Variants in RNF125 observed in about 807,000 individuals in gnomAD.
RNF125 encodes E3 ubiquitin-protein ligase RNF125.
In RNF125, 21 loss-of-function variants were observed where a neutral mutation model predicts 26.0. The ratio of observed to expected loss-of-function variants is 0.81; its 90% CI spans 0.57 to 1.16. The LOEUF is 1.16. Among genes scored for constraint, RNF125 ranks in the 50% most tolerant of loss-of-function variants. The pLI is 0.00. For synonymous variants in RNF125, 95 were observed against 109.2 expected (o/e 0.87, Z 0.81); for missense variants, 270 against 299.4 (o/e 0.90, Z 0.72).
chr18:32,069,481 T>G lies in RNF125; in HGVS notation c.*1097T>G, dbSNP rs1304124720. The G allele has an allele frequency of 2.0e-5, 3 of 152,112 alleles. No homozygotes were observed. Among genetic ancestry groups the G allele is most frequent in the Non-Finnish European group, 4.4e-5 (3 of 68,024 alleles). The allele number at this position is 152,112 out of a possible 1,614,324, so 9.4% of individuals were successfully genotyped here. On this transcript the variant is annotated 3_prime_UTR_variant, in exon 6 of 6. Coordinates refer to ENST00000217740, the MANE Select transcript of RNF125 (RefSeq NM_017831.4). ...TTTGATATCTTTTTTGATTGTAACA[T>G]TTTAAAAATTATGAAATAAAAGTAC...
chr18:32,061,134 C>T (rs12607256), intron 4 of RNF125, among the ~76,000 whole-genome samples: 7,064 of 152,250 alleles, frequency 0.046, 235 homozygotes, highest in East Asian at 0.12. Context: ...ACGCCATTCT[C>T]CTGCCTCAGC....
intron 2 of RNF125, among the ~76,000 whole-genome samples, chr18:32,038,052 T>TTC (rs958087709): frequency 4.1e-5 from 6 of 146,714 alleles, no homozygotes; most frequent in African/African-American, 1.5e-4. Flanking sequence ...CATTTTTTTT[T>TTC]TTTTTTTTTT....
chr18:32,089,436 T>C, the RNF125 span, among the ~76,000 whole-genome samples: 1 of 152,204 alleles, frequency 6.6e-6, no homozygotes, highest in Non-Finnish European at 1.5e-5. Flanking sequence ...ACTGTTTAAA[T>C]TATTGCAGCA....
chr18:32,080,505 A>G, the RNF125 span, among the ~76,000 whole-genome samples: 1 of 152,210 alleles, frequency 6.6e-6, no homozygotes, highest in Non-Finnish European at 1.5e-5. Context: ...TTTTAAAACT[A>G]CCTTAAAGAG....
At chr18:32,046,956 C>T (rs2039278280) in intron 4 of RNF125, among the ~76,000 whole-genome samples, 1 of 152,140 alleles carries the variant, frequency 6.6e-6, no homozygotes, top group Non-Finnish European at 1.5e-5. Flanking sequence ...GCAACCTTGA[C>T]CTCCCAGGTT....
chr18:32,055,741 G>A (rs1285043423), intron 4 of RNF125, among the ~76,000 whole-genome samples: 2 of 152,042 alleles, frequency 1.3e-5, no homozygotes, highest in Admixed American at 6.6e-5. Flanking sequence ...AGCACTTTGG[G>A]AGGCCAAGGT....
the RNF125 span, among the ~76,000 whole-genome samples, chr18:32,085,617 C>T: frequency 7.3e-6 from 1 of 137,792 alleles, no homozygotes; most frequent in Non-Finnish European, 1.5e-5. Context: ...AGGAGAATCG[C>T]TTGAACCTGG....
intron 1 of RNF125, chr18:32,030,892 G>C (rs1370424428): frequency 6.6e-6 from 1 of 152,020 alleles, no homozygotes; most frequent in African/African-American, 2.4e-5. Context: ...TTAGAGATGG[G>C]GGTCTCACTA....
intron 1 of RNF125, among the ~76,000 whole-genome samples, chr18:32,024,630 A>T (rs1032204276): frequency 6.6e-6 from 1 of 152,036 alleles, no homozygotes; most frequent in African/African-American, 2.4e-5. Flanking sequence ...TTATAGAGAC[A>T]GGGTCTGCCT....
the RNF125 span, among the ~76,000 whole-genome samples, chr18:32,083,843 C>G: frequency 2.6e-5 from 4 of 151,118 alleles, no homozygotes; most frequent in Non-Finnish European, 4.4e-5. Context: ...TTTGAAGCTG[C>G]AGTGAGCTAT....
chr18:32,075,394 C>T (rs1024041585), downstream of RNF125, among the ~76,000 whole-genome samples: 3 of 151,870 alleles, frequency 2.0e-5, no homozygotes, highest in African/African-American at 7.3e-5. Context: ...CCCGTCTCTA[C>T]TAAAAATACA....
At chr18:32,040,931 A>G (rs73413979) in intron 2 of RNF125, among the ~76,000 whole-genome samples, 9,007 of 152,276 alleles carry the variant, frequency 0.059, 909 homozygotes, top group African/African-American at 0.2. Flanking sequence ...TATATCTTTT[A>G]GGTGGATATT....
rs1431752585 is a variant in RNF125, at chr18:32,018,981, TGCCTTGAGGTGTTACACCA to T, written c.123_141del (p.Glu42SerfsTer18). ...CGTCACGTCCTTCGACTGCGCCGTG[TGCCTTGAGGTGTTACACCA>T]GCCTGTCCGGACCCGCTGTGGCCAC... On this transcript the variant is annotated frameshift_variant, in exon 1 of 6. Transcript: ENST00000217740. LOFTEE classifies it high-confidence loss of function. The T allele has an allele frequency of 1.2e-6, 2 of 1,613,596 alleles. No homozygotes were observed. The highest frequency in any genetic ancestry group is 1.7e-6 in the Non-Finnish European group (2 of 1,179,808).
chr18:32,037,384 T>G, intron 2 of RNF125, 115 bp downstream of exon 2: 1 of 706,962 alleles, frequency 1.4e-6, no homozygotes. Context: ...TTTTTTTTTT[T>G]TTTTTGAGAC....
chr18:32,065,533 G>A (rs12326524), intron 4 of RNF125, among the ~76,000 whole-genome samples: 1,581 of 152,018 alleles, frequency 0.01, 28 homozygotes, highest in African/African-American at 0.034. Context: ...ACTGCACCCC[G>A]TCTTGTTTTG....
At chr18:32,054,972 A>G (rs1455084250) in intron 4 of RNF125, among the ~76,000 whole-genome samples, 1 of 152,168 alleles carries the variant, frequency 6.6e-6, no homozygotes, top group Non-Finnish European at 1.5e-5. Context: ...TTGAGCTTCT[A>G]TTATGTGCCA....
intron 4 of RNF125, among the ~76,000 whole-genome samples, chr18:32,054,867 T>C (rs1290631707): frequency 2.6e-5 from 4 of 152,226 alleles, no homozygotes; most frequent in African/African-American, 9.6e-5. Flanking sequence ...CCTAGGATCC[T>C]TTATTCCAAG....
chr18:32,044,799 A>T (rs2039252486), intron 3 of RNF125, among the ~76,000 whole-genome samples: 1 of 152,144 alleles, frequency 6.6e-6, no homozygotes, highest in Non-Finnish European at 1.5e-5. Context: ...GCATCAGCCT[A>T]TATTGTTAAT....
At chr18:32,043,982 A>G (rs1270448820) in intron 3 of RNF125, among the ~76,000 whole-genome samples, 5 of 151,850 alleles carry the variant, frequency 3.3e-5, no homozygotes, top group Non-Finnish European at 7.4e-5. Flanking sequence ...GTCCAGTAGA[A>G]ATATAATGGG....
Sources: gnomAD v4.1 joint callset for allele counts (sites outside exome capture counted in the v4.1 genomes callset) on GRCh38, gnomAD v4.1.1 for gene constraint, MANE v1.5 for transcripts, NCBI Gene and HGNC (gene_info 2026-07-23, HGNC 2026-07-21) for gene names.